TENM3: variants seen among roughly 807,000 people sequenced by gnomAD.
The protein encoded by TENM3 is teneurin-3.
Under a neutral mutation model 255.1 loss-of-function variants are expected in TENM3, and 63 were observed. That is an observed-to-expected ratio of 0.25 (90% CI 0.20 to 0.30). The LOEUF (loss-of-function observed/expected upper bound fraction) is 0.30. Among genes scored for constraint, TENM3 ranks in the 10% least tolerant of loss-of-function variants. The pLI, the probability that TENM3 is intolerant of heterozygous loss-of-function variation, is 1.00. For synonymous variants in TENM3, 1,306 were observed against 1,322.3 expected (o/e 0.99, Z 0.27); for missense variants, 2,929 against 3,461.1 (o/e 0.85, Z 3.86).
At chr4:181,580,493 G>A in the TENM3 span, among the ~76,000 whole-genome samples, 7 of 152,276 alleles carry the variant, frequency 4.6e-5, no homozygotes, top group South Asian at 4.1e-4. Flanking sequence ...GATGATGGCT[G>A]TAAATAATAA....
the TENM3 span, among the ~76,000 whole-genome samples, chr4:181,787,799 A>G: frequency 6.6e-6 from 1 of 152,036 alleles, no homozygotes; most frequent in Non-Finnish European, 1.5e-5. Context: ...TATACCTTCC[A>G]TGTGTTGATT....
At chr4:182,098,865 G>T in the TENM3 span, among the ~76,000 whole-genome samples, 1 of 151,312 alleles carries the variant, frequency 6.6e-6, no homozygotes, top group Non-Finnish European at 1.5e-5. Context: ...TAAGTGAGGT[G>T]ATTGATATTC....
the TENM3 span, among the ~76,000 whole-genome samples, chr4:181,833,049 G>A: frequency 6.6e-6 from 1 of 152,178 alleles, no homozygotes; most frequent in Non-Finnish European, 1.5e-5. Flanking sequence ...CATATTCTAG[G>A]TCTGAAAGAA....
chr4:182,760,597 G>A (rs1256132511), intron 22 of TENM3, among the ~76,000 whole-genome samples: 1 of 152,180 alleles, frequency 6.6e-6, no homozygotes, highest in East Asian at 1.9e-4. Flanking sequence ...TATTTGTGGA[G>A]CTGACTCTGT....
chr4:182,481,507 A>AT (rs2151515403), intron 3 of TENM3, among the ~76,000 whole-genome samples: 1 of 152,248 alleles, frequency 6.6e-6, no homozygotes, highest in East Asian at 1.9e-4. Context: ...TTAAAATATG[A>AT]TTATAGGCCG....
the TENM3 span, among the ~76,000 whole-genome samples, chr4:181,616,454 G>C: frequency 6.8e-6 from 1 of 147,450 alleles, no homozygotes; most frequent in East Asian, 2.0e-4. Flanking sequence ...TCCATATAAT[G>C]TAATATTATC....
rs1327918147 is a variant in TENM3 at position 182,354,185 on chromosome 4, G to A, written c.511+7256G>A. ...GCCATTTCTATTAAGCTCGATTTGT[G>A]TTCTAAGTGTTTTTGTTAAAGTATA... On this transcript the variant is annotated intron_variant, in intron 3 of 27. Coordinates refer to ENST00000511685, the MANE Select transcript of TENM3 (RefSeq NM_001080477.4). 2.0e-5 allele frequency among the ~76,000 whole-genome samples: 3 copies of A among 152,210 alleles called. No homozygotes were observed. The East Asian group carries it at 5.8e-4, about 29-fold the overall frequency.
At chr4:181,670,872 A>G in the TENM3 span, among the ~76,000 whole-genome samples, 7 of 152,336 alleles carry the variant, frequency 4.6e-5, no homozygotes, top group African/African-American at 1.2e-4. Context: ...TTACAAAAAA[A>G]TCTAAACAGC....
chr4:182,740,064 TG>T (rs771655423), intron 18 of TENM3, among the ~76,000 whole-genome samples: 10 of 152,106 alleles, frequency 6.6e-5, no homozygotes, highest in Non-Finnish European at 1.0e-4. Flanking sequence ...AAAATGCTAG[TG>T]CCTTCCCTCC....
At position 182,152,896 on chromosome 4, in the gene TENM3, G is replaced by A. The variant is rs1329055291; in HGVS notation, c.-76+8142G>A. ...TAAATTTATTTTAAAAATTCTTCCC[G>A]TAAAAATTTGAAGCGCAGTACCTTT... On this transcript the variant is annotated intron_variant, in intron 1 of 2. Transcript: ENST00000512480. 3.3e-5 allele frequency among the ~76,000 whole-genome samples: 5 copies of A among 151,760 alleles called. No homozygotes were observed. In the South Asian group the frequency reaches 6.2e-4, roughly 19 times the overall value.
the TENM3 span, among the ~76,000 whole-genome samples, chr4:181,497,653 C>T: frequency 6.6e-6 from 1 of 152,088 alleles, no homozygotes; most frequent in Non-Finnish European, 1.5e-5. Context: ...AACTAGAGTA[C>T]TATTTTGTCC....
intron 3 of TENM3, among the ~76,000 whole-genome samples, chr4:182,456,875 A>G (rs968885062): frequency 3.9e-5 from 6 of 152,166 alleles, no homozygotes; most frequent in Non-Finnish European, 8.8e-5. Flanking sequence ...CTCCATCTTC[A>G]TCTACCTTAA....
At chr4:182,129,571 C>G in the TENM3 span, among the ~76,000 whole-genome samples, 5 of 152,020 alleles carry the variant, frequency 3.3e-5, no homozygotes, top group African/African-American at 1.2e-4. Flanking sequence ...AAATTAAAAG[C>G]TTTAGGTGTC....
chr4:182,747,119 A>G (rs1446501681), intron 19 of TENM3, among the ~76,000 whole-genome samples: 1 of 152,192 alleles, frequency 6.6e-6, no homozygotes, highest in Non-Finnish European at 1.5e-5. Flanking sequence ...GGAACAGGTC[A>G]TAGGAAGAAA....
chr4:182,716,016 C>G (rs574052266), intron 13 of TENM3, among the ~76,000 whole-genome samples: 1 of 152,234 alleles, frequency 6.6e-6, no homozygotes, highest in African/African-American at 2.4e-5. Context: ...TTAATAATAC[C>G]TTGTTGCCTC....
chr4:181,657,860 T>G, the TENM3 span, among the ~76,000 whole-genome samples: 1 of 152,056 alleles, frequency 6.6e-6, no homozygotes, highest in Non-Finnish European at 1.5e-5. Flanking sequence ...CGGAGGCCAT[T>G]ATCCTAAGTG....
chr4:181,490,803 T>C, the TENM3 span, among the ~76,000 whole-genome samples: 4 of 152,182 alleles, frequency 2.6e-5, no homozygotes, highest in African/African-American at 4.8e-5. Context: ...TGATGTGTGC[T>C]GTGCAGAACT....
chr4:181,522,637 T>A, the TENM3 span: 1 of 571,710 alleles, frequency 1.7e-6, no homozygotes, highest in Admixed American at 2.2e-5. Context: ...TCCAACTATG[T>A]TGTAGCCATA....
chr4:181,931,636 G>A, the TENM3 span, among the ~76,000 whole-genome samples: 4 of 152,150 alleles, frequency 2.6e-5, no homozygotes, highest in Non-Finnish European at 4.4e-5. Flanking sequence ...AACTACCATT[G>A]ACTTTCTTCA....
Sources: gnomAD v4.1 joint callset for allele counts (sites outside exome capture counted in the v4.1 genomes callset) on GRCh38, gnomAD v4.1.1 for gene constraint, MANE v1.5 for transcripts, NCBI Gene and HGNC (gene_info 2026-07-23, HGNC 2026-07-21) for gene names.